Variants in CHRNA2 observed in about 807,000 individuals in gnomAD.
CHRNA2 encodes cholinergic receptor nicotinic alpha 2 subunit, also known as neuronal acetylcholine receptor subunit alpha-2.
CHRNA2 carries 40 observed loss-of-function variants against 45.5 expected under a neutral mutation model. The ratio of observed to expected loss-of-function variants is 0.88; its 90% CI spans 0.68 to 1.15. The LOEUF (loss-of-function observed/expected upper bound fraction) is 1.15, where lower values mean the gene tolerates loss of function less well. Among genes scored for constraint, CHRNA2 ranks in the 50% most tolerant of loss-of-function variants. CHRNA2 has a pLI of 0.00. For missense variants in CHRNA2, 655 were observed against 701.7 expected, an observed-to-expected ratio of 0.93 and a Z score of 0.75; for synonymous variants, 301 against 296.7, an observed-to-expected ratio of 1.01 and a Z score of -0.15.
At position 27,461,443 on chromosome 8, in the gene CHRNA2, A is replaced by G; in HGVS notation, c.*186T>C. ...GTATCCAAAACAGGGCTTTGCACCCAGCAGGCTGTCAGCCCTGGTACAATA... is the reference window on the plus strand; with the variant it reads ...GTATCCAAAACAGGGCTTTGCACCCGGCAGGCTGTCAGCCCTGGTACAATA... On this transcript the variant is annotated 3_prime_UTR_variant, in exon 7 of 7. Coordinates refer to ENST00000407991, the MANE Select transcript of CHRNA2 (RefSeq NM_000742.4). 1.2e-6 allele frequency: 1 copy of G among 804,636 alleles called. No homozygotes were observed. Among genetic ancestry groups the G allele is most frequent in the Non-Finnish European group, 1.9e-6 (1 of 517,392 alleles). The allele number at this position is 804,636 out of a possible 1,614,324, so 49.8% of individuals were successfully genotyped here.
intron 2 of CHRNA2, among the ~76,000 whole-genome samples, chr8:27,470,331 G>A (rs908029922): frequency 6.6e-6 from 1 of 152,186 alleles, no homozygotes; most frequent in Non-Finnish European, 1.5e-5. Context: ...TGGCGGGGCT[G>A]CAGGGAGAAG....
In CHRNA2 at chr8:27,471,111, CA is replaced by C; in HGVS notation, c.-54del. The C allele has an allele frequency of 6.6e-7, 1 of 1,513,030 alleles. No homozygotes were observed. The highest frequency in any genetic ancestry group is 1.4e-5 in the African/African-American group (1 of 72,976). 93.7% of individuals were successfully genotyped at this position (1,513,030 alleles called of 1,614,324 possible). A position where few individuals can be genotyped will look rare whatever the true frequency, so the allele number is the denominator to read the frequency against. On this transcript the variant is annotated 5_prime_UTR_variant, in exon 2 of 7. The change abolishes an upstream ATG in the 5' untranslated region. Transcript: ENST00000407991. ...GTCAGGGCTTTGCTGTGGGTTGCAC[CA>C]TGGACCATGTCCCCAGCAGAGCTGC...
Position 27,479,235 on chromosome 8 carries a change from T to TTC in CHRNA2, c.-550_-549dup, listed in dbSNP as rs150699126. 1.8e-3 allele frequency: 271 copies of TTC among 152,516 alleles called. 1 individual carries two copies. In the Middle Eastern group the frequency reaches 0.03, roughly 17 times the overall value. 9.4% of individuals were successfully genotyped at this position (152,516 alleles called of 1,614,324 possible). ...CACACAAGCACACAGGCTCACGCTG[T>TTC]TCTCTCTCTCTCTCACACACACACA... On this transcript the variant is annotated 5_prime_UTR_variant, in exon 1 of 7. Transcript: ENST00000407991.
At chr8:27,477,922 C>T (rs751742294) in intron 1 of CHRNA2, among the ~76,000 whole-genome samples, 2 of 152,098 alleles carry the variant, frequency 1.3e-5, no homozygotes, top group Non-Finnish European at 2.9e-5. Context: ...CCACCCCCAC[C>T]CCACCCCCAC....
rs1812814283 is a variant in CHRNA2 at position 27,469,797 on chromosome 8, C to T, written c.258G>A (p.Val86=). Residue 86 remains valine, a synonymous_variant, in exon 3 of 7, where the codon GTG becomes GTA. Coordinates refer to ENST00000407991, the MANE Select transcript of CHRNA2 (RefSeq NM_000742.4). ...PVPNTSDVVI[V]RFGLSIAQLI... ...GCTGAGCGATGGACAGTCCAAAGCGCACAATCACCACGTCTGAAGTGTTGG... is the reference window on the plus strand; with the variant it reads ...GCTGAGCGATGGACAGTCCAAAGCGTACAATCACCACGTCTGAAGTGTTGG... 3.7e-6 allele frequency: 6 copies of T among 1,614,194 alleles called. No individual in the cohort carries two copies. Among genetic ancestry groups the T allele is most frequent in the Admixed American group, 1.7e-5 (1 of 60,026 alleles).
intron 4 of CHRNA2, among the ~76,000 whole-genome samples, chr8:27,467,805 C>T (rs1252313401): frequency 3.3e-5 from 5 of 152,284 alleles, no homozygotes; most frequent in Non-Finnish European, 4.4e-5. Flanking sequence ...GACCCAGAGA[C>T]AGGAAAATCA....
chr8:27,461,989 C>A (rs941711780), intron 6 of CHRNA2, among the ~76,000 whole-genome samples: 19 of 152,204 alleles, frequency 1.2e-4, no homozygotes, highest in Admixed American at 1.2e-3. Flanking sequence ...CCTCCACATG[C>A]CCAGACCTGT....
chr8:27,471,305 G>T (rs1008957047), intron 1 of CHRNA2, 111 bp from the exon 2 acceptor site: 21 of 461,970 alleles, frequency 4.5e-5, no homozygotes, highest in African/African-American at 3.6e-4. Flanking sequence ...CCCTCAGCAG[G>T]CCTCTCAGCA....
At chr8:27,467,152 G>C in intron 5 of CHRNA2, 77 bp downstream of exon 5, 1 of 1,121,464 alleles carries the variant, frequency 8.9e-7, no homozygotes, top group Non-Finnish European at 1.4e-6. Context: ...CACCAGGGGG[G>C]CCCCTCCCAA....
In CHRNA2 at chr8:27,469,183, C is replaced by T. The variant is rs971953075; in HGVS notation, c.339+152G>A. 14 of 799,684 alleles carry T rather than the reference C, an allele frequency of 1.8e-5. No individual in the cohort carries two copies. The East Asian group carries it at 3.2e-4, about 18-fold the overall frequency. The allele number at this position is 799,684 out of a possible 1,614,324, so 49.5% of individuals were successfully genotyped here. A position where few individuals can be genotyped will look rare whatever the true frequency, so the allele number is the denominator to read the frequency against. The stretch of plus-strand genomic sequence containing the variant: ...GCACAGGCCCTGTGGAAAAAGTCAG[C>T]TTTGGGAACATCCCACATGGCATCT... On this transcript the variant is annotated intron_variant, in intron 4 of 6. Coordinates refer to ENST00000407991, the MANE Select transcript of CHRNA2 (RefSeq NM_000742.4).
At position 27,460,470 on chromosome 8, in the gene CHRNA2, A is replaced by G. The variant is rs1560344; in HGVS notation, c.*1159T>C. ...CCAAACAATCCAGCTTGCTCCCCTC[A>G]ACCACTCAGAACAAACGCCCTAAGT... On this transcript the variant is annotated 3_prime_UTR_variant, in exon 7 of 7. Transcript: ENST00000407991. 0.41 allele frequency: 62,639 copies of G among 152,172 alleles called. 13,784 individuals carry two copies. Among genetic ancestry groups the G allele is most frequent in the Middle Eastern group, 0.58 (172 of 298 alleles). The allele number at this position is 152,172 out of a possible 1,614,324, so 9.4% of individuals were successfully genotyped here.
Position 27,463,176 on chromosome 8 carries a change from A to G in CHRNA2, c.1267T>C (p.Trp423Arg), listed in dbSNP as rs1812559230. 1 of 1,595,424 alleles carries G rather than the reference A, an allele frequency of 6.3e-7. No individual in the cohort carries two copies. Among genetic ancestry groups the G allele is most frequent in the Non-Finnish European group, 8.6e-7 (1 of 1,167,594 alleles). ...REVVVEEEDR[W>R]ACAGHVAPSV... ...GGGGCCACATGACCTGCACATGCCC[A>G]TCTGTCCTCCTCCTCCACCACCACC... The change falls in exon 6 of 7, where the codon TGG becomes CGG. Residue 423 changes from tryptophan (W) to arginine (R), a missense_variant. Trp to Arg is a moderately radical substitution (Grantham distance 101). Around this residue, in one of 3 missense-constraint regions of CHRNA2, gnomAD observed 295 missense variants for 280.4 expected, o/e 1.05. Coordinates refer to ENST00000407991, the MANE Select transcript of CHRNA2 (RefSeq NM_000742.4). The surrounding 1 kb of genome is among the most constrained non-coding windows in gnomAD (Gnocchi z 6.1).
intron 5 of CHRNA2, among the ~76,000 whole-genome samples, chr8:27,464,617 C>T (rs1812640915): frequency 6.6e-6 from 1 of 152,088 alleles, no homozygotes; most frequent in African/African-American, 2.4e-5. Context: ...CTCCTGCGAG[C>T]TGATCATTTA....
chr8:27,461,585 T>C lies in CHRNA2; in HGVS notation c.*44A>G. ...AGCTGTAGCAGAGACGGTCAAAAGA[T>C]GGTCAGCGGGGGTGCCCTGGGAGCC... is the stretch of plus-strand genomic sequence containing the variant. On this transcript the variant is annotated 3_prime_UTR_variant, in exon 7 of 7. Transcript: ENST00000407991. The C allele has an allele frequency of 6.2e-7, 1 of 1,612,980 alleles. No homozygotes were observed. The highest frequency in any genetic ancestry group is 1.1e-5 in the South Asian group (1 of 91,072).
At chr8:27,465,475 G>A (rs1051868745) in intron 5 of CHRNA2, among the ~76,000 whole-genome samples, 4 of 151,986 alleles carry the variant, frequency 2.6e-5, no homozygotes, top group African/African-American at 9.7e-5. Context: ...CTCTGTTATC[G>A]GGCTGGAGTG....
intron 5 of CHRNA2, among the ~76,000 whole-genome samples, chr8:27,466,897 C>T (rs1474948462): frequency 6.6e-6 from 1 of 152,210 alleles, no homozygotes; most frequent in Non-Finnish European, 1.5e-5. Flanking sequence ...AACAACACTG[C>T]CACCCCTCAC....
At chr8:27,465,434 A>T (rs867635016) in intron 5 of CHRNA2, among the ~76,000 whole-genome samples, 3 of 118,042 alleles carry the variant, frequency 2.5e-5, no homozygotes, top group Admixed American at 1.5e-4. Flanking sequence ...GACAAAAGTT[A>T]AAAAAAATTT....
Position 27,463,917 on chromosome 8 carries a change from G to A in CHRNA2, c.526C>T (p.Pro176Ser), listed in dbSNP as rs772750196. Residue 176 changes from proline to serine, a missense_variant, in exon 6 of 7, where the codon CCG becomes TCG. By Grantham distance (74) the Pro-to-Ser change is moderately conservative. Coordinates refer to ENST00000407991, the MANE Select transcript of CHRNA2 (RefSeq NM_000742.4). This position sits in a 1 kb window ranked among gnomAD's most constrained non-coding sequence, Gnocchi z 6.1. ...CTGCAGGAGCTCTTGTAGATGGCCGGGGGCACCCAGTGCACAGTGCCCGTG... is the reference window on the plus strand; with the variant it reads ...CTGCAGGAGCTCTTGTAGATGGCCGAGGGCACCCAGTGCACAGTGCCCGTG... ...FSTGTVHWVP[P>S]AIYKSSCSID... The A allele has an allele frequency of 5.0e-6, 8 of 1,614,026 alleles. No homozygotes were observed. The Admixed American group carries it at 1.2e-4, about 24-fold the overall frequency.
At position 27,469,893 on chromosome 8, in the gene CHRNA2, C is replaced by T. The variant is rs889869424; in HGVS notation, c.162G>A (p.Ser54=). The T allele has an allele frequency of 5.6e-6, 9 of 1,614,006 alleles. No individual in the cohort carries two copies. Among genetic ancestry groups the T allele is most frequent in the East Asian group, 2.2e-5 (1 of 44,872 alleles). Residue 54 remains serine, a synonymous_variant, in exon 3 of 7, where the codon TCG becomes TCA. Transcript: ENST00000407991. ...AGAGCCGGTCCTCAGTCTCGGTATG[C>T]GAGCCTCCCTGCGGCAATGCCGTGG... is the stretch of plus-strand genomic sequence containing the variant. The part of the protein sequence containing the change: ...PSPTALPQGG[S]HTETEDRLFK...
Sources: gnomAD v4.1 joint callset for allele counts (sites outside exome capture counted in the v4.1 genomes callset) on GRCh38, gnomAD v4.1.1 for gene constraint, gnomAD v4.1.1 regional missense constraint, Gnocchi (gnomAD v3.1) non-coding constraint, MANE v1.5 for transcripts, NCBI Gene and HGNC (gene_info 2026-07-23, HGNC 2026-07-21) for gene names.